LEMD3: variants seen among roughly 807,000 people sequenced by gnomAD.
LEMD3 encodes LEM domain containing 3.
A neutral mutation model predicts 95.2 loss-of-function variants in LEMD3; 33 were observed. The ratio of observed to expected loss-of-function variants is 0.35; its 90% CI spans 0.26 to 0.46. LEMD3 has a LOEUF of 0.46. Ranked by LOEUF, LEMD3 falls within the 20% of genes least tolerant of loss-of-function variation. LEMD3 has a pLI of 1.00. For synonymous variants in LEMD3, 525 were observed against 474.6 expected (o/e 1.11, Z -1.38); for missense variants, 1,210 against 1,192.8 (o/e 1.01, Z -0.21).
intron 4 of LEMD3, among the ~76,000 whole-genome samples, chr12:65,224,100 TTTGTC>T (rs1190026662): frequency 2.0e-5 from 3 of 152,188 alleles, no homozygotes; most frequent in South Asian, 4.1e-4. Context: ...TTTTTATACT[TTTGTC>T]TTTTAAATTG....
At chr12:65,214,999 A>G (rs1425368507) in intron 2 of LEMD3, among the ~76,000 whole-genome samples, 1 of 152,152 alleles carries the variant, frequency 6.6e-6, no homozygotes, top group African/African-American at 2.4e-5. Context: ...TACATTGTAC[A>G]TTCTGGCCCG....
rs1371005188 is a variant in LEMD3 at position 65,238,830 on chromosome 12, A to T, written c.1921+16A>T. The T allele has an allele frequency of 6.2e-7, 1 of 1,613,526 alleles. No individual in the cohort carries two copies. Among genetic ancestry groups the T allele is most frequent in the Admixed American group, 1.7e-5 (1 of 60,008 alleles). On this transcript the variant is annotated intron_variant, in intron 6 of 12. Coordinates refer to ENST00000308330, the MANE Select transcript of LEMD3 (RefSeq NM_014319.5). ...TTATGCTTAGGTAAGTTGTAAAGAT[A>T]AGAAATGAGATAAATTGCAGCCTGA...
intron 4 of LEMD3, among the ~76,000 whole-genome samples, chr12:65,221,131 C>T (rs901167463): frequency 1.0e-4 from 15 of 149,400 alleles, no homozygotes; most frequent in East Asian, 1.9e-4. Context: ...TTCCAATTCA[C>T]GAACATGAGA....
At chr12:65,212,386 A>G (rs1330419217) in intron 2 of LEMD3, among the ~76,000 whole-genome samples, 1 of 152,114 alleles carries the variant, frequency 6.6e-6, no homozygotes, top group Non-Finnish European at 1.5e-5. Flanking sequence ...AATATCCTTG[A>G]AGAGTCCGGG....
chr12:65,199,835 A>G (rs1869540256), intron 1 of LEMD3, among the ~76,000 whole-genome samples: 1 of 152,086 alleles, frequency 6.6e-6, no homozygotes, highest in African/African-American at 2.4e-5. Context: ...TTAGTTTTGT[A>G]AGAAGCCACC....
At chr12:65,177,840 C>CT (rs776856955) in intron 1 of LEMD3, among the ~76,000 whole-genome samples, 5,247 of 130,684 alleles carry the variant, frequency 0.04, 313 homozygotes, top group African/African-American at 0.13. Flanking sequence ...TGCTCTCATT[C>CT]TTTTTTTTTT....
At chr12:65,193,818 T>G (rs1191092901) in intron 1 of LEMD3, among the ~76,000 whole-genome samples, 3 of 151,580 alleles carry the variant, frequency 2.0e-5, no homozygotes, top group Non-Finnish European at 2.9e-5. Flanking sequence ...CCTGACTAGC[T>G]ACCTACTGTA....
intron 1 of LEMD3, among the ~76,000 whole-genome samples, chr12:65,200,980 G>A (rs1046772193): frequency 2.6e-5 from 4 of 152,104 alleles, no homozygotes; most frequent in Non-Finnish European, 5.9e-5. Context: ...TTTGGGACGG[G>A]TATAAAATCT....
At chr12:65,237,872 A>G (rs1870816653) in intron 4 of LEMD3, among the ~76,000 whole-genome samples, 2 of 152,232 alleles carry the variant, frequency 1.3e-5, no homozygotes. Flanking sequence ...AAACATCCAA[A>G]TCTGGAAGAG....
At chr12:65,195,988 A>C (rs1462846912) in intron 1 of LEMD3, among the ~76,000 whole-genome samples, 1 of 151,942 alleles carries the variant, frequency 6.6e-6, no homozygotes, top group African/African-American at 2.4e-5. Context: ...TCCTCAGCAA[A>C]TTTCTGGGGG....
At chr12:65,189,981 G>C (rs1488666367) in intron 1 of LEMD3, among the ~76,000 whole-genome samples, 1 of 151,978 alleles carries the variant, frequency 6.6e-6, no homozygotes, top group Non-Finnish European at 1.5e-5. Context: ...AACTCTTAAG[G>C]CCAGGAAACC....
chr12:65,203,100 CT>C (rs1232103231), intron 1 of LEMD3, among the ~76,000 whole-genome samples: 2 of 152,074 alleles, frequency 1.3e-5, no homozygotes, highest in Non-Finnish European at 2.9e-5. Context: ...AATTTATTCT[CT>C]TCCTAATTTT....
chr12:65,240,860 G>A (rs1313189187), intron 8 of LEMD3, 49 bp from the exon 9 acceptor site: 1 of 1,530,412 alleles, frequency 6.5e-7, no homozygotes, highest in South Asian at 1.1e-5. Flanking sequence ...ATTTCAAAAA[G>A]ATGACAAGCC....
In LEMD3 at chr12:65,190,912, T is replaced by C. The variant is rs553196238; in HGVS notation, c.1522+19794T>C. 3.9e-4 allele frequency among the ~76,000 whole-genome samples: 60 copies of C among 152,274 alleles called. No individual in the cohort carries two copies. The South Asian group carries it at 0.012, about 32-fold the overall frequency. On this transcript the variant is annotated intron_variant, in intron 1 of 12. Coordinates refer to ENST00000308330, the MANE Select transcript of LEMD3 (RefSeq NM_014319.5). ...CACAAAGGTATAGTTTACCAAATTG[T>C]TGAAAGTTGTAGAGATAGCTTAAGA...
Position 65,170,007 on chromosome 12 carries a change from G to A in LEMD3, c.411G>A (p.Leu137=). The A allele has an allele frequency of 6.7e-7, 1 of 1,499,234 alleles. No individual in the cohort carries two copies. The highest frequency in any genetic ancestry group is 8.8e-7 in the Non-Finnish European group (1 of 1,134,656). 92.9% of individuals were successfully genotyped at this position (1,499,234 alleles called of 1,614,324 possible). Residue 137 remains leucine, a synonymous_variant, in exon 1 of 13, where the codon CTG becomes CTA. Transcript: ENST00000308330. ...AAPAAGSKVL[L]GFSSDESDVE... ...CCGCGGCTGGCAGCAAAGTGCTGCT[G>A]GGCTTCAGCTCGGACGAGTCGGACG...
chr12:65,218,783 C>CTTTT (rs10676847), intron 4 of LEMD3, among the ~76,000 whole-genome samples, 164 bp downstream of exon 4: 51 of 123,058 alleles, frequency 4.1e-4, no homozygotes, highest in African/African-American at 1.2e-3. Context: ...AATTGTTCAA[C>CTTTT]TTTTTTTTTT....
Position 65,170,830 on chromosome 12 carries a change from C to T in LEMD3, c.1234C>T (p.Pro412Ser), listed in dbSNP as rs1428610511. The T allele has an allele frequency of 1.2e-6, 2 of 1,614,222 alleles. No homozygotes were observed. Among genetic ancestry groups the T allele is most frequent in the Admixed American group, 1.7e-5 (1 of 60,022 alleles). Residue 412 changes from proline (P) to serine (S), a missense_variant, in exon 1 of 13, where the codon CCC becomes TCC. By Grantham distance (74) the Pro-to-Ser change is moderately conservative (BLOSUM62 -1). Around this residue, in one of 2 missense-constraint regions of LEMD3, gnomAD observed 749 missense variants for 622.9 expected, o/e 1.20. Transcript: ENST00000308330. The stretch of plus-strand genomic sequence containing the variant: ...CAGGATTTATTCTAACAGTCTCCCT[C>T]CCAGTGCGGCGGTGGCCGCCTCTAG... ...SPRIYSNSLP[P>S]SAAVAASSSL...
chr12:65,221,500 CA>C (rs1233224772), intron 4 of LEMD3, among the ~76,000 whole-genome samples: 1 of 151,780 alleles, frequency 6.6e-6, no homozygotes, highest in Admixed American at 6.6e-5. Flanking sequence ...GGATTACAAG[CA>C]TGAGCCACCA....
At chr12:65,188,569 T>G (rs1433391348) in intron 1 of LEMD3, among the ~76,000 whole-genome samples, 1 of 152,190 alleles carries the variant, frequency 6.6e-6, no homozygotes, top group Non-Finnish European at 1.5e-5. Context: ...GATTGGGTTT[T>G]GGTTTGCTTA....
Sources: gnomAD v4.1 joint callset for allele counts (sites outside exome capture counted in the v4.1 genomes callset) on GRCh38, gnomAD v4.1.1 for gene constraint, gnomAD v4.1.1 regional missense constraint, MANE v1.5 for transcripts, NCBI Gene and HGNC (gene_info 2026-07-23, HGNC 2026-07-21) for gene names.